The following CCDC197 variants were observed in gnomAD, a reference collection of about 807,000 sequenced individuals.
CCDC197 encodes coiled-coil domain containing 197.
Under a neutral mutation model 13.4 loss-of-function variants are expected in CCDC197, and 24 were observed. The ratio of observed to expected loss-of-function variants is 1.80; its 90% CI spans 1.30 to 2.53. CCDC197 has a LOEUF of 2.53. Ranked by LOEUF, CCDC197 falls within the 30% of genes most tolerant of loss-of-function variation. The probability of loss-of-function intolerance (pLI) is 0.00; values close to 1 mark genes in which losing one functional copy is unlikely to be tolerated. For missense variants in CCDC197, 255 were observed against 148.8 expected, an observed-to-expected ratio of 1.71 and a Z score of -3.71; for synonymous variants, 99 against 55.5, an observed-to-expected ratio of 1.78 and a Z score of -3.48.
At chr14:93,994,962 G>A (rs1021998370), upstream of CCDC197, among the ~76,000 whole-genome samples, 1 of 152,114 alleles carries the variant, frequency 6.6e-6, no homozygotes, top group Admixed American at 6.5e-5. Context: ...TTGACTTTCT[G>A]GATTAATATC....
Position 94,001,055 on chromosome 14 carries a change from T to C in CCDC197, c.188-90T>C, listed in dbSNP as rs1890481582. 3.6e-5 allele frequency: 23 copies of C among 645,580 alleles called. No individual in the cohort carries two copies. In the South Asian group the frequency reaches 4.1e-4, roughly 11 times the overall value. 40.0% of individuals were successfully genotyped at this position (645,580 alleles called of 1,614,324 possible). ...ATGGACTGTCTGGCACCTCTCAATT[T>C]TGTGGCCCCAGCTGGAATTCCTGGC... is the stretch of plus-strand genomic sequence containing the variant. On this transcript the variant is annotated intron_variant, in intron 3 of 6. Coordinates refer to ENST00000636493, the MANE Select transcript of CCDC197 (RefSeq NM_001351596.2).
At chr14:93,987,372 C>G (rs10147141) in exon 1 of CCDC197, 22,071 of 152,450 alleles carry the variant, frequency 0.14, 1,954 homozygotes, top group African/African-American at 0.24. Flanking sequence ...TTTGGGAAAG[C>G]CTGGCCTGGA....
At chr14:94,011,448 A>G (rs1890806212), downstream of CCDC197, among the ~76,000 whole-genome samples, 1 of 152,238 alleles carries the variant, frequency 6.6e-6, no homozygotes, top group African/African-American at 2.4e-5. Context: ...GGGAGCTCCC[A>G]GCCTCCCCTG....
chr14:94,010,899 G>A (rs1890796922), downstream of CCDC197, among the ~76,000 whole-genome samples: 1 of 152,178 alleles, frequency 6.6e-6, no homozygotes, highest in African/African-American at 2.4e-5. Flanking sequence ...TGGCTCTCAG[G>A]TTTGAACACG....
intron 1 of CCDC197, among the ~76,000 whole-genome samples, chr14:93,997,797 G>T (rs1308271403): frequency 3.3e-5 from 5 of 152,184 alleles, no homozygotes; most frequent in Non-Finnish European, 5.9e-5. Flanking sequence ...AGACTTGGGG[G>T]TGATGGGGCT....
intron 3 of CCDC197, chr14:94,000,710 T>C (rs1050714326): frequency 1.3e-5 from 2 of 154,574 alleles, no homozygotes; most frequent in African/African-American, 4.8e-5. Flanking sequence ...CCAGTGCTGC[T>C]TGTGGTTTGG....
At chr14:93,987,817 T>A (rs1200162594) in intron 1 of CCDC197, among the ~76,000 whole-genome samples, 1 of 151,634 alleles carries the variant, frequency 6.6e-6, no homozygotes, top group Non-Finnish European at 1.5e-5. Context: ...ATTATTTTTA[T>A]CCTCAAGGCA....
chr14:94,007,538 T>C (rs1200058310), intron 6 of CCDC197: 1 of 152,236 alleles, frequency 6.6e-6, no homozygotes, highest in Non-Finnish European at 1.5e-5. Flanking sequence ...TTGTAATAAA[T>C]ATTAAAATTG....
At chr14:94,001,024 AC>A in intron 3 of CCDC197, 120 bp from the exon 4 acceptor site, 1 of 575,184 alleles carries the variant, frequency 1.7e-6, no homozygotes, top group South Asian at 2.2e-5. Flanking sequence ...GGGTCATCCT[AC>A]TGTCATGGAC....
At chr14:94,008,923 AG>A, downstream of CCDC197, 3 of 613,600 alleles carry the variant, frequency 4.9e-6, no homozygotes, top group Non-Finnish European at 8.9e-6. Context: ...GGGGGCATTG[AG>A]GGGGTGGTCA....
chr14:93,993,886 C>T (rs956605245), upstream of CCDC197, among the ~76,000 whole-genome samples: 1 of 152,172 alleles, frequency 6.6e-6, no homozygotes, highest in East Asian at 1.9e-4. Flanking sequence ...AGGTGAGAGA[C>T]CTGCGCCCCT....
At chr14:94,004,729 T>C in intron 5 of CCDC197, 126 bp from the exon 6 acceptor site, 1 of 612,360 alleles carries the variant, frequency 1.6e-6, no homozygotes, top group Non-Finnish European at 2.9e-6. Context: ...TAGACCATGA[T>C]GAGAAGGACA....
At chr14:93,992,016 G>C (rs559498021) in intron 1 of CCDC197, among the ~76,000 whole-genome samples, 1 of 152,372 alleles carries the variant, frequency 6.6e-6, no homozygotes, top group East Asian at 1.9e-4. Context: ...TAAGTCTTCA[G>C]GCATTTTGCA....
chr14:94,004,978 A>G lies in CCDC197; in HGVS notation c.615+7A>G, dbSNP rs1890640548. 1 of 701,742 alleles carries G rather than the reference A, an allele frequency of 1.4e-6. No individual in the cohort carries two copies. Among genetic ancestry groups the G allele is most frequent in the Non-Finnish European group, 2.6e-6 (1 of 384,164 alleles). The allele number at this position is 701,742 out of a possible 1,614,324, so 43.5% of individuals were successfully genotyped here. A position where few individuals can be genotyped will look rare whatever the true frequency, so the allele number is the denominator to read the frequency against. ...CAAGCTCGATCTGATTAAGGTAAGG[A>G]TAGACAGATGGCTGCGGGGCTCCTG... On this transcript the variant is annotated splice_region_variant and intron_variant, in intron 6 of 6. Coordinates refer to ENST00000636493, the MANE Select transcript of CCDC197 (RefSeq NM_001351596.2).
rs774248042 is a variant in CCDC197 at position 94,001,241 on chromosome 14, G to T, written c.284G>T (p.Arg95Leu). ...ACAGCCAGCCAGGACACGCAGAAGC[G>T]CCTCGAGGCCTTCTGCCAGATGATC... ...LFTASQDTQK[R>L]LEAFCQMIQA... The change falls in exon 4 of 7, where the codon CGC (arginine) becomes CTC (leucine). Residue 95 changes from arginine (R) to leucine (L), a missense_variant. Transcript: ENST00000636493. The T allele has an allele frequency of 1.3e-6, 1 of 780,830 alleles. No individual in the cohort carries two copies. The highest frequency in any genetic ancestry group is 1.7e-5 in the Admixed American group (1 of 59,004). 48.4% of individuals were successfully genotyped at this position (780,830 alleles called of 1,614,324 possible).
chr14:94,011,310 C>A (rs550911178), downstream of CCDC197, among the ~76,000 whole-genome samples: 3 of 152,348 alleles, frequency 2.0e-5, no homozygotes, highest in South Asian at 6.2e-4. Flanking sequence ...CTGCTGTGCA[C>A]CTGTCGTGCT....
At chr14:93,992,990 C>T (rs1033272550), upstream of CCDC197, among the ~76,000 whole-genome samples, 4 of 152,094 alleles carry the variant, frequency 2.6e-5, no homozygotes, top group Non-Finnish European at 4.4e-5. Flanking sequence ...TCTGTCTCAA[C>T]GGGGGAGGAG....
chr14:93,994,323 T>C (rs1890249970), upstream of CCDC197, among the ~76,000 whole-genome samples: 1 of 152,250 alleles, frequency 6.6e-6, no homozygotes, highest in African/African-American at 2.4e-5. Context: ...CCAGCCCTGT[T>C]ACCTTGTATT....
intron 1 of CCDC197, among the ~76,000 whole-genome samples, chr14:93,989,409 A>G (rs1028548254): frequency 1.2e-4 from 19 of 152,112 alleles, no homozygotes; most frequent in Non-Finnish European, 2.2e-4. Context: ...GTCCAGTCCC[A>G]TGCCTCTCCC....
Sources: gnomAD v4.1 joint callset for allele counts (sites outside exome capture counted in the v4.1 genomes callset) on GRCh38, gnomAD v4.1.1 for gene constraint, MANE v1.5 for transcripts, NCBI Gene and HGNC (gene_info 2026-07-23, HGNC 2026-07-21) for gene names.